The following INPP5A variants were observed in gnomAD, a reference collection of about 807,000 sequenced individuals.
The protein encoded by INPP5A is 43 kDa inositol polyphosphate 5-phophatase.
A neutral mutation model predicts 65.2 loss-of-function variants in INPP5A; 14 were observed. The ratio of observed to expected loss-of-function variants is 0.21; its 90% CI spans 0.14 to 0.34. INPP5A has a LOEUF of 0.34. Ranked by LOEUF, INPP5A falls within the 10% of genes least tolerant of loss-of-function variation. The pLI is 1.00. For synonymous variants in INPP5A, 207 were observed against 208.3 expected, an observed-to-expected ratio of 0.99 and a Z score of 0.05; for missense variants, 431 against 545.6, an observed-to-expected ratio of 0.79 and a Z score of 2.09.
intron 8 of INPP5A, among the ~76,000 whole-genome samples, chr10:132,717,920 T>C (rs1360722223): frequency 6.9e-6 from 1 of 144,144 alleles, no homozygotes; most frequent in Non-Finnish European, 1.5e-5. Flanking sequence ...ACCTGGGTTC[T>C]GTCTGGGCAC....
intron 12 of INPP5A, among the ~76,000 whole-genome samples, chr10:132,775,802 C>T (rs1310641935): frequency 6.6e-6 from 1 of 152,188 alleles, no homozygotes; most frequent in African/African-American, 2.4e-5. Context: ...GGACAGAGGG[C>T]GGCTGTGCTT....
At chr10:132,703,899 C>T (rs1240444100) in intron 6 of INPP5A, among the ~76,000 whole-genome samples, 2 of 105,812 alleles carry the variant, frequency 1.9e-5, no homozygotes, top group East Asian at 6.2e-4. Context: ...CACACACACA[C>T]GTGGCTTCAC....
At chr10:132,634,383 C>T (rs1008881695) in intron 2 of INPP5A, among the ~76,000 whole-genome samples, 2 of 143,858 alleles carry the variant, frequency 1.4e-5, no homozygotes, top group African/African-American at 2.7e-5. Context: ...TGGGTGTGCC[C>T]CAGAGAGGCA....
chr10:132,650,624 G>A lies in INPP5A; in HGVS notation c.306+119G>A, dbSNP rs999926656. The A allele has an allele frequency of 5.5e-6, 4 of 726,700 alleles. No homozygotes were observed. The highest frequency in any genetic ancestry group is 4.8e-6 in the Non-Finnish European group (2 of 414,602). The allele number at this position is 726,700 out of a possible 1,614,324, so 45.0% of individuals were successfully genotyped here. ...GCTCCCTGCCTGAAGCCTCACTCAC[G>A]CTGCCCTGCCTGGCACTCCCGCAGC... On this transcript the variant is annotated intron_variant, in intron 4 of 15. Transcript: ENST00000368594. The surrounding 1 kb of genome is among the most constrained non-coding windows in gnomAD (Gnocchi z 5.5).
rs1396584337 is a variant in INPP5A at position 132,575,045 on chromosome 10, G to A, written c.76-32870G>A. Among the ~76,000 whole-genome samples the A allele has an allele frequency of 2.6e-5, 4 of 152,120 alleles. No individual in the cohort carries two copies. The highest frequency in any genetic ancestry group is 1.9e-4 in the East Asian group (1 of 5,200). On this transcript the variant is annotated intron_variant, in intron 1 of 15. Transcript: ENST00000368594. The surrounding 1 kb of genome is among the most constrained non-coding windows in gnomAD (Gnocchi z 5.4). The stretch of plus-strand genomic sequence containing the variant: ...AGCATATGGTCTGCGGAGTCCTCCC[G>A]GGGGCTCCGGATTCGGGGTGTCCGT...
At chr10:132,613,303 C>A (rs989184774) in intron 2 of INPP5A, among the ~76,000 whole-genome samples, 6 of 146,454 alleles carry the variant, frequency 4.1e-5, no homozygotes, top group African/African-American at 1.3e-4. Flanking sequence ...CTTCCCGAGT[C>A]CCCCCGCAGG....
chr10:132,555,491 CAG>C lies in INPP5A; in HGVS notation c.75+17321_75+17322del, dbSNP rs779966912. Among the ~76,000 whole-genome samples, 1 of 151,964 alleles carries C rather than the reference CAG, an allele frequency of 6.6e-6. No individual in the cohort carries two copies. The highest frequency in any genetic ancestry group is 1.5e-5 in the Non-Finnish European group (1 of 67,978). ...GGAGGATGAGGAGCTTGAAGTGACT[CAG>C]GGGACCTGGCGCCGTTGGTGTGTGC... is the stretch of plus-strand genomic sequence containing the variant. On this transcript the variant is annotated intron_variant, in intron 1 of 15. Transcript: ENST00000368594. The surrounding 1 kb of genome is among the most constrained non-coding windows in gnomAD (Gnocchi z 4.4).
At chr10:132,692,045 G>A (rs543786527) in intron 5 of INPP5A, among the ~76,000 whole-genome samples, 1 of 151,584 alleles carries the variant, frequency 6.6e-6, no homozygotes, top group African/African-American at 2.4e-5. Flanking sequence ...CAGCGCAGTC[G>A]GGGGGCCTCG....
At chr10:132,608,899 C>G (rs2071901022) in intron 2 of INPP5A, among the ~76,000 whole-genome samples, 1 of 152,144 alleles carries the variant, frequency 6.6e-6, no homozygotes, top group Admixed American at 6.5e-5. Context: ...GTGGCCCGAC[C>G]TGGGCCTGAG....
Position 132,704,358 on chromosome 10 carries a change from G to T in INPP5A, c.475-3955G>T, listed in dbSNP as rs1845497946. 6.6e-6 allele frequency among the ~76,000 whole-genome samples: 1 copy of T among 152,228 alleles called. No individual in the cohort carries two copies. The highest frequency in any genetic ancestry group is 1.5e-5 in the Non-Finnish European group (1 of 68,046). ...CCCCATGGGTGAGAACCCAGCCTTG[G>T]GCCCAGTGACTGTGGCCTAAAGCCA... On this transcript the variant is annotated intron_variant, in intron 6 of 15. Transcript: ENST00000368594. This position sits in a 1 kb window ranked among gnomAD's most constrained non-coding sequence, Gnocchi z 4.5.
rs1176000025 is a variant in INPP5A, at chr10:132,727,887, C to T, written c.732+982C>T. On this transcript the variant is annotated intron_variant, in intron 9 of 15. Transcript: ENST00000368594. The surrounding 1 kb of genome is among the most constrained non-coding windows in gnomAD (Gnocchi z 6.5). ...TTGGATGGGAACACGGTGAGTCGAA[C>T]GGGGACATGGCGGTCCCCGAGACTG... 3.3e-5 allele frequency among the ~76,000 whole-genome samples: 5 copies of T among 152,066 alleles called. No individual in the cohort carries two copies. The highest frequency in any genetic ancestry group is 7.2e-5 in the African/African-American group (3 of 41,406).
At chr10:132,708,495 C>G (rs748803003) in intron 7 of INPP5A, 130 bp downstream of exon 7, 2 of 857,888 alleles carry the variant, frequency 2.3e-6, no homozygotes, top group Non-Finnish European at 4.1e-6. Flanking sequence ...AGCTGCCTGA[C>G]CCCCACCTGC....
chr10:132,657,233 C>G (rs531636070), intron 4 of INPP5A, among the ~76,000 whole-genome samples: 1 of 152,356 alleles, frequency 6.6e-6, no homozygotes, highest in South Asian at 2.1e-4. Flanking sequence ...TGGTCACCAA[C>G]CGGGGGCTTA....
chr10:132,774,536 C>T (rs926541460), intron 12 of INPP5A, among the ~76,000 whole-genome samples: 7 of 152,194 alleles, frequency 4.6e-5, no homozygotes, highest in South Asian at 2.1e-4. Flanking sequence ...GTGGCGAAGC[C>T]GTGGGCCCCC....
chr10:132,646,384 G>A (rs2072495087), intron 3 of INPP5A, among the ~76,000 whole-genome samples: 1 of 152,186 alleles, frequency 6.6e-6, no homozygotes. Context: ...CATCGTTTAG[G>A]AGGAAGGTGC....
intron 6 of INPP5A, among the ~76,000 whole-genome samples, chr10:132,700,195 T>C (rs1333532764): frequency 6.6e-6 from 1 of 152,218 alleles, no homozygotes; most frequent in Non-Finnish European, 1.5e-5. Context: ...TTCTGGAAAG[T>C]AGACGATTCC....
At position 132,550,760 on chromosome 10, in the gene INPP5A, C is replaced by G. The variant is rs1444420494; in HGVS notation, c.75+12589C>G. 6.6e-6 allele frequency among the ~76,000 whole-genome samples: 1 copy of G among 152,314 alleles called. No individual in the cohort carries two copies. The highest frequency in any genetic ancestry group is 1.5e-5 in the Non-Finnish European group (1 of 68,026). ...CATGGAAGACGGTGGAGGTGGCAGC[C>G]GCCAGAGTGTGAGGGGCCATGGTCG... On this transcript the variant is annotated intron_variant, in intron 1 of 15. Coordinates refer to ENST00000368594, the MANE Select transcript of INPP5A (RefSeq NM_005539.5). This position sits in a 1 kb window ranked among gnomAD's most constrained non-coding sequence, Gnocchi z 4.2.
At chr10:132,759,651 G>A (rs562878850) in intron 11 of INPP5A, among the ~76,000 whole-genome samples, 26 of 152,098 alleles carry the variant, frequency 1.7e-4, no homozygotes, top group Non-Finnish European at 3.5e-4. Flanking sequence ...GGGAGGTGGT[G>A]GGGGGCTCTC....
intron 4 of INPP5A, among the ~76,000 whole-genome samples, chr10:132,680,224 G>C (rs2073024100): frequency 6.6e-6 from 1 of 152,150 alleles, no homozygotes; most frequent in African/African-American, 2.4e-5. Context: ...TTACTATCCA[G>C]AATATATAGA....
Sources: allele counts gnomAD v4.1 joint callset (sites outside exome capture counted in the v4.1 genomes callset), GRCh38; gene constraint gnomAD v4.1.1; non-coding constraint Gnocchi (gnomAD v3.1); transcripts MANE v1.5; gene names NCBI Gene and HGNC (gene_info 2026-07-23, HGNC 2026-07-21).